Variants in STYXL1 observed in about 807,000 individuals in gnomAD.
The protein encoded by STYXL1 is serine/threonine/tyrosine-interacting-like protein 1.
Under a neutral mutation model 36.4 loss-of-function variants are expected in STYXL1, and 32 were observed. That is an observed-to-expected ratio of 0.88 (90% CI 0.66 to 1.18). The LOEUF (loss-of-function observed/expected upper bound fraction) is 1.18. STYXL1 is among the 50% of genes most tolerant of loss of function. The pLI, the probability that STYXL1 is intolerant of heterozygous loss-of-function variation, is 0.00. For missense variants in STYXL1, 354 were observed against 394.1 expected, an observed-to-expected ratio of 0.90 and a Z score of 0.86; for synonymous variants, 133 against 144.1, an observed-to-expected ratio of 0.92 and a Z score of 0.55.
chr7:76,034,693 G>A (rs1428912871), intron 1 of STYXL1, among the ~76,000 whole-genome samples: 3 of 152,334 alleles, frequency 2.0e-5, no homozygotes, highest in Admixed American at 1.3e-4. Flanking sequence ...GCACTGCTAT[G>A]TTGAGTGGCA....
chr7:76,026,192 C>CAAA lies in STYXL1; in HGVS notation c.165+2447_165+2449dup, dbSNP rs1159067824. ...GGAGGACAGAGCAAGACTCTGTCTC[C>CAAA]AAAAAAAAAAAAAAAAAAAAAAAAA... On this transcript the variant is annotated intron_variant, in intron 3 of 8. Coordinates refer to ENST00000359697, the MANE Select transcript of STYXL1 (RefSeq NM_001317785.2). 6.2e-3 allele frequency among the ~76,000 whole-genome samples: 115 copies of CAAA among 18,624 alleles called. 48 individuals carry two copies. Among genetic ancestry groups the CAAA allele is most frequent in the East Asian group, 9.1e-3 (5 of 548 alleles). The allele number at this position is 18,624 out of a possible 152,430, so 12.2% of individuals were successfully genotyped here.
chr7:76,001,529 T>G (rs1425563089), intron 7 of STYXL1, among the ~76,000 whole-genome samples: 3 of 152,178 alleles, frequency 2.0e-5, no homozygotes, highest in African/African-American at 7.2e-5. Context: ...GTTTCACTCT[T>G]GTTGCCCAGG....
chr7:76,034,477 C>T (rs146940886), intron 1 of STYXL1, among the ~76,000 whole-genome samples: 1 of 152,308 alleles, frequency 6.6e-6, no homozygotes, highest in Non-Finnish European at 1.5e-5. Flanking sequence ...TCCCCAGACA[C>T]TCTCCCCTCC....
chr7:76,014,356 T>TTTTTTG (rs1273682909), intron 4 of STYXL1, among the ~76,000 whole-genome samples: 1 of 151,414 alleles, frequency 6.6e-6, no homozygotes, highest in Admixed American at 6.6e-5. Context: ...CCACCGGGTT[T>TTTTTTG]TTTTTGTTTT....
At chr7:76,029,648 G>T (rs1008400139) in intron 2 of STYXL1, among the ~76,000 whole-genome samples, 1 of 152,194 alleles carries the variant, frequency 6.6e-6, no homozygotes, top group Non-Finnish European at 1.5e-5. Context: ...CCATCATGTA[G>T]AATCAGTGGA....
In STYXL1 at chr7:75,999,507, GTGTA is replaced by G. The variant is rs1420339223; in HGVS notation, c.810+1379_810+1382del. Among the ~76,000 whole-genome samples, 810 of 82,752 alleles carry G rather than the reference GTGTA, an allele frequency of 9.8e-3. 4 individuals carry two copies. The highest frequency in any genetic ancestry group is 0.012 in the African/African-American group (232 of 19,870). The allele number at this position is 82,752 out of a possible 152,430, so 54.3% of individuals were successfully genotyped here. ...ATTTTTTTGTTGTGTGTGTGTGTGT[GTGTA>G]TGTGTGTGTGTGTGTGTGTGTGTGT... On this transcript the variant is annotated intron_variant, in intron 8 of 8. Transcript: ENST00000359697.
chr7:75,999,469 AGTTAAGATG>A (rs1331481931), intron 8 of STYXL1, among the ~76,000 whole-genome samples: 4 of 148,600 alleles, frequency 2.7e-5, no homozygotes, highest in African/African-American at 9.9e-5. Flanking sequence ...ATTTTAAAAT[AGTTAAGATG>A]GTAATTTTTT....
chr7:76,030,328 G>GC, intron 2 of STYXL1, 93 bp downstream of exon 2: 2 of 914,220 alleles, frequency 2.2e-6, no homozygotes, highest in Non-Finnish European at 3.5e-6. Flanking sequence ...GTCATTCACT[G>GC]CCCCCCACCC....
intron 5 of STYXL1, among the ~76,000 whole-genome samples, chr7:76,010,184 A>G (rs2115687587): frequency 6.6e-6 from 1 of 152,270 alleles, no homozygotes; most frequent in Middle Eastern, 3.4e-3. Flanking sequence ...AGGAGTTCCA[A>G]TCAAGATAAG....
chr7:75,999,949 G>C (rs59170362), intron 8 of STYXL1, among the ~76,000 whole-genome samples: 29,130 of 151,780 alleles, frequency 0.19, 3,072 homozygotes, highest in East Asian at 0.28. Flanking sequence ...ACAGGCCCTG[G>C]AGGAAGAATC....
At chr7:75,997,150 G>A (rs1790226795) in intron 8 of STYXL1, among the ~76,000 whole-genome samples, 1 of 152,094 alleles carries the variant, frequency 6.6e-6, no homozygotes, top group African/African-American at 2.4e-5. Context: ...AGAAGGAAAT[G>A]GCCAGGCACA....
intron 2 of STYXL1, among the ~76,000 whole-genome samples, chr7:76,029,499 G>A (rs1278749285): frequency 1.3e-5 from 2 of 152,134 alleles, no homozygotes; most frequent in Non-Finnish European, 2.9e-5. Context: ...ACCAGGGACT[G>A]GTTTCATGGA....
At chr7:76,037,513 C>T (rs1176548483) in intron 1 of STYXL1, among the ~76,000 whole-genome samples, 1 of 150,114 alleles carries the variant, frequency 6.7e-6, no homozygotes, top group Non-Finnish European at 1.5e-5. Context: ...TTGCCAGAGC[C>T]TGTGACTAAG....
intron 2 of STYXL1, among the ~76,000 whole-genome samples, chr7:76,028,918 G>C (rs980261762): frequency 1.3e-5 from 2 of 152,082 alleles, no homozygotes; most frequent in African/African-American, 4.8e-5. Flanking sequence ...TGAGCCAGGA[G>C]TTCAAGACCA....
chr7:76,005,841 AGGAAGAGAGAGGAGGAGAGAGG>A (rs1791612664), intron 5 of STYXL1, among the ~76,000 whole-genome samples: 2 of 23,362 alleles, frequency 8.6e-5, no homozygotes, highest in Non-Finnish European at 2.2e-4. Flanking sequence ...AGAGAGGAGG[AGGAAGAGAGAGGAGGAGAGAGG>A]AGGAAGAGAG....
chr7:76,015,770 A>C (rs1343009856), intron 4 of STYXL1, among the ~76,000 whole-genome samples: 1 of 152,214 alleles, frequency 6.6e-6, no homozygotes, highest in African/African-American at 2.4e-5. Context: ...GTGTTGCCAA[A>C]GGAGATTAAC....
At chr7:76,002,003 G>T (rs945062061) in intron 7 of STYXL1, among the ~76,000 whole-genome samples, 3 of 151,996 alleles carry the variant, frequency 2.0e-5, no homozygotes, top group African/African-American at 7.2e-5. Flanking sequence ...GAACGCAGTG[G>T]TGTAATCACA....
At chr7:76,024,304 A>G (rs1794417134) in intron 3 of STYXL1, among the ~76,000 whole-genome samples, 1 of 152,296 alleles carries the variant, frequency 6.6e-6, no homozygotes, top group Middle Eastern at 3.4e-3. Context: ...ACTTTTAGGG[A>G]AAAAGACACT....
At chr7:76,028,620 G>T in intron 3 of STYXL1, 22 bp downstream of exon 3, 1 of 1,612,684 alleles carries the variant, frequency 6.2e-7, no homozygotes, top group Non-Finnish European at 8.5e-7. Flanking sequence ...GCCTGCCCCA[G>T]ATCCTGACGC....
Sources: allele counts gnomAD v4.1 joint callset (sites outside exome capture counted in the v4.1 genomes callset), GRCh38; gene constraint gnomAD v4.1.1; transcripts MANE v1.5; gene names NCBI Gene and HGNC (gene_info 2026-07-23, HGNC 2026-07-21).